The following TMED3 variants were observed in gnomAD, a reference collection of about 807,000 sequenced individuals.
TMED3 encodes the protein transmembrane emp24 domain-containing protein 3.
TMED3 carries 9 observed loss-of-function variants against 15.0 expected under a neutral mutation model. The ratio of observed to expected loss-of-function variants is 0.60; its 90% confidence interval spans 0.36 to 1.04. TMED3 has a LOEUF of 1.04. Among genes scored for constraint, TMED3 ranks in the 50% least tolerant of loss-of-function variants. The probability of loss-of-function intolerance (pLI) is 0.01; values close to 1 mark genes in which losing one functional copy is unlikely to be tolerated. For synonymous variants in TMED3, 117 were observed against 121.4 expected (o/e 0.96, Z 0.24); for missense variants, 267 against 278.9 (o/e 0.96, Z 0.30).
At chr15:79,358,113 C>T (rs902422844) in intron 2 of TMED3, among the ~76,000 whole-genome samples, 1 of 152,158 alleles carries the variant, frequency 6.6e-6, no homozygotes, top group South Asian at 2.1e-4. Context: ...GAGGGGAAGA[C>T]CAGAGTATGG....
intron 2 of TMED3, among the ~76,000 whole-genome samples, chr15:79,317,961 C>T (rs1363197085): frequency 6.6e-6 from 1 of 152,212 alleles, no homozygotes; most frequent in African/African-American, 2.4e-5. Flanking sequence ...CTCACAGAGC[C>T]ACACGATAAA....
At chr15:79,403,286 T>C (rs1305018943) in intron 2 of TMED3, among the ~76,000 whole-genome samples, 1 of 141,966 alleles carries the variant, frequency 7.0e-6, no homozygotes, top group African/African-American at 2.6e-5. Context: ...CAGAACAAGC[T>C]ACAGTCCTTG....
intron 2 of TMED3, among the ~76,000 whole-genome samples, chr15:79,342,780 C>CAG (rs1288899176): frequency 2.3e-4 from 35 of 152,168 alleles, no homozygotes; most frequent in African/African-American, 8.0e-4. Context: ...ACACTGGGCC[C>CAG]TGCTTAGCAC....
intron 2 of TMED3, among the ~76,000 whole-genome samples, chr15:79,393,026 C>G (rs1893716275): frequency 6.6e-6 from 1 of 152,250 alleles, no homozygotes. Flanking sequence ...TCTCTTATCA[C>G]TAGCAAAAGA....
chr15:79,315,441 G>T (rs2058736512), intron 2 of TMED3, among the ~76,000 whole-genome samples: 1 of 152,146 alleles, frequency 6.6e-6, no homozygotes, highest in Non-Finnish European at 1.5e-5. Context: ...TTGTGTGTAA[G>T]ATCTTTTGCA....
rs747609083 is a variant in TMED3 at position 79,383,393 on chromosome 15, AG to A, written c.418-28006del. On this transcript the variant is annotated intron_variant, in intron 2 of 2. Transcript: ENST00000424155. ...TCCCTCACACCATCCTCAGGTTCAGAGTTTCACTAGATGAAGTCACAGAACT... is the reference window on the plus strand; with the variant it reads ...TCCCTCACACCATCCTCAGGTTCAGATTTCACTAGATGAAGTCACAGAACT... 7.2e-4 allele frequency: 150 copies of A among 208,514 alleles called. 1 individual carries two copies. The highest frequency in any genetic ancestry group is 1.2e-3 in the Admixed American group (22 of 18,384). The allele number at this position is 208,514 out of a possible 1,614,324, so 12.9% of individuals were successfully genotyped here.
intron 2 of TMED3, among the ~76,000 whole-genome samples, chr15:79,333,116 C>T (rs1228446117): frequency 1.3e-5 from 2 of 152,206 alleles, no homozygotes; most frequent in African/African-American, 4.8e-5. Flanking sequence ...GGACATTCAT[C>T]TCCAAAGAAC....
intron 2 of TMED3, among the ~76,000 whole-genome samples, chr15:79,392,127 A>G (rs1446366466): frequency 6.6e-6 from 1 of 152,088 alleles, no homozygotes; most frequent in Admixed American, 6.5e-5. Flanking sequence ...TCATCATGCT[A>G]TTTGTTCCCT....
At chr15:79,413,149 C>CA (rs1444956823) in exon 3 of TMED3, 1 of 152,170 alleles carries the variant, frequency 6.6e-6, no homozygotes, top group Non-Finnish European at 1.5e-5. Context: ...TCTGAAAACA[C>CA]AAAAAACTAG....
At position 79,411,620 on chromosome 15, in the gene TMED3, C is replaced by T. The variant is rs1002151588; in HGVS notation, c.*116C>T. 3 of 643,868 alleles carry T rather than the reference C, an allele frequency of 4.7e-6. No homozygotes were observed. The African/African-American group carries it at 5.4e-5, about 12-fold the overall frequency. 39.9% of individuals were successfully genotyped at this position (643,868 alleles called of 1,614,324 possible). A position where few individuals can be genotyped will look rare whatever the true frequency, so the allele number is the denominator to read the frequency against. ...ATGCACTGGGACTAGCTCCTGGTCCCCAGTGACTCCAGGGGAACAGGTGAG... is the reference window on the plus strand; with the variant it reads ...ATGCACTGGGACTAGCTCCTGGTCCTCAGTGACTCCAGGGGAACAGGTGAG... On this transcript the variant is annotated 3_prime_UTR_variant, in exon 3 of 3. Transcript: ENST00000424155.
At chr15:79,324,781 G>C (rs554445144), downstream of TMED3, among the ~76,000 whole-genome samples, 1 of 152,304 alleles carries the variant, frequency 6.6e-6, no homozygotes, top group South Asian at 2.1e-4. Context: ...CAGCATGGTG[G>C]AAAAGGGTGT....
intron 2 of TMED3, chr15:79,411,261 C>T (rs1893974959): frequency 3.6e-6 from 2 of 555,668 alleles, no homozygotes; most frequent in South Asian, 2.2e-5. Context: ...TAATTAGAGC[C>T]AGCAATAAAG....
In TMED3 at chr15:79,311,416, A is replaced by C. The variant is rs2058713359; in HGVS notation, c.167A>C (p.Gln56Pro). ...EQGVKFSLDY[Q>P]VITGGHYDVD... ...GGCGTGAAGTTCTCCCTGGATTACC[A>C]GGTGAGGCCGGGCGCCCGGCAGCGC... Residue 56 changes from glutamine to proline, a missense_variant and splice_region_variant, in exon 1 of 3, where the codon CAG (glutamine) becomes CCG (proline). Gln to Pro is a moderately conservative substitution (Grantham distance 76, BLOSUM62 -1). Transcript: ENST00000299705. 6.2e-7 allele frequency: 1 copy of C among 1,605,944 alleles called. No homozygotes were observed. Among genetic ancestry groups the C allele is most frequent in the Non-Finnish European group, 8.5e-7 (1 of 1,176,222 alleles).
At chr15:79,365,936 A>G (rs1377354195) in intron 2 of TMED3, among the ~76,000 whole-genome samples, 1 of 152,236 alleles carries the variant, frequency 6.6e-6, no homozygotes, top group East Asian at 1.9e-4. Context: ...TCAGAGACAT[A>G]TGTTAAGATG....
rs114059497 is a variant in TMED3, at chr15:79,403,878, T to G, written c.418-7522T>G. On this transcript the variant is annotated intron_variant, in intron 2 of 2. Transcript: ENST00000424155. ...GTCTCTTGGTTCCTGAATATGTACA[T>G]TCTAGATATTGGGGACACTATACCC... is the stretch of plus-strand genomic sequence containing the variant. Among the ~76,000 whole-genome samples the G allele has an allele frequency of 4.5e-3, 690 of 152,316 alleles. 4 individuals are homozygous for G. The highest frequency in any genetic ancestry group is 0.016 in the African/African-American group (657 of 41,560).
At chr15:79,338,408 C>T (rs1200639476) in intron 2 of TMED3, among the ~76,000 whole-genome samples, 1 of 152,174 alleles carries the variant, frequency 6.6e-6, no homozygotes, top group South Asian at 2.1e-4. Context: ...GCCCTGGCTT[C>T]ACCTCTTAGG....
intron 2 of TMED3, among the ~76,000 whole-genome samples, chr15:79,334,491 G>C (rs28624300): frequency 0.25 from 38,614 of 151,966 alleles, 5,213 homozygotes; most frequent in East Asian, 0.49. Flanking sequence ...GTGTGCAGGA[G>C]ATGTGGCAGG....
chr15:79,319,118 T>C (rs937789975), intron 2 of TMED3, among the ~76,000 whole-genome samples: 1 of 152,242 alleles, frequency 6.6e-6, no homozygotes. Flanking sequence ...TGTTCTTCAC[T>C]TGCTATTGCT....
intron 2 of TMED3, among the ~76,000 whole-genome samples, chr15:79,330,164 T>A (rs2058802853): frequency 6.6e-6 from 1 of 152,216 alleles, no homozygotes; most frequent in Admixed American, 6.5e-5. Context: ...TTAACCACTC[T>A]TATTCAACAT....
Sources: allele counts gnomAD v4.1 joint callset (sites outside exome capture counted in the v4.1 genomes callset), GRCh38; gene constraint gnomAD v4.1.1; transcripts MANE v1.5; gene names NCBI Gene and HGNC (gene_info 2026-07-23, HGNC 2026-07-21).